The following SPAG16 variants were observed in gnomAD, a reference collection of about 807,000 sequenced individuals.
The protein encoded by SPAG16 is sperm-associated antigen 16 protein.
Under a neutral mutation model 80.4 loss-of-function variants are expected in SPAG16, and 86 were observed. That is an observed-to-expected ratio of 1.07 (90% CI 0.90 to 1.28). The LOEUF (loss-of-function observed/expected upper bound fraction) is 1.28. SPAG16 is among the 50% of genes most tolerant of loss of function. The pLI is 0.00. For synonymous variants in SPAG16, 294 were observed against 265.9 expected (o/e 1.11, Z -1.03); for missense variants, 870 against 765.3 (o/e 1.14, Z -1.61).
intron 9 of SPAG16, among the ~76,000 whole-genome samples, chr2:213,406,025 A>G (rs2068590605): frequency 6.6e-6 from 1 of 152,238 alleles, no homozygotes; most frequent in Non-Finnish European, 1.5e-5. Flanking sequence ...AAAGTAAAAT[A>G]AAATTATAGT....
intron 14 of SPAG16, among the ~76,000 whole-genome samples, chr2:214,138,560 T>A (rs1366305824): frequency 6.6e-6 from 1 of 152,174 alleles, no homozygotes; most frequent in Non-Finnish European, 1.5e-5. Flanking sequence ...CCTTTACTTC[T>A]TCAGCTCACA....
At chr2:213,517,608 A>G (rs2075482068) in intron 10 of SPAG16, among the ~76,000 whole-genome samples, 1 of 152,232 alleles carries the variant, frequency 6.6e-6, no homozygotes, top group African/African-American at 2.4e-5. Context: ...GTATAAAAAC[A>G]GACACATAGA....
At chr2:214,175,437 G>A (rs1000652501) in intron 15 of SPAG16, among the ~76,000 whole-genome samples, 1 of 150,848 alleles carries the variant, frequency 6.6e-6, no homozygotes, top group Non-Finnish European at 1.5e-5. Flanking sequence ...ATCTCAAGAT[G>A]AGATGGCTCT....
intron 15 of SPAG16, among the ~76,000 whole-genome samples, chr2:214,252,867 G>A (rs776625863): frequency 6.6e-6 from 1 of 152,042 alleles, no homozygotes; most frequent in Non-Finnish European, 1.5e-5. Flanking sequence ...TTGAGAAATC[G>A]CCACACTGTC....
At chr2:213,968,261 G>T (rs1396902649) in intron 12 of SPAG16, among the ~76,000 whole-genome samples, 1 of 151,374 alleles carries the variant, frequency 6.6e-6, no homozygotes, top group Non-Finnish European at 1.5e-5. Flanking sequence ...TGCAATCTCC[G>T]CCTCCCAAGT....
intron 9 of SPAG16, among the ~76,000 whole-genome samples, chr2:213,489,412 A>G (rs2074143484): frequency 6.6e-6 from 1 of 152,142 alleles, no homozygotes; most frequent in South Asian, 2.1e-4. Context: ...GTGGATTCTA[A>G]TATGTGTGAT....
At chr2:213,321,526 TAA>T (rs1055563733) in intron 5 of SPAG16, among the ~76,000 whole-genome samples, 61 of 152,236 alleles carry the variant, frequency 4.0e-4, no homozygotes, top group African/African-American at 1.4e-3. Flanking sequence ...CTGTCATCTC[TAA>T]GTTTTTATTA....
chr2:213,488,876 A>T (rs2074110648), intron 9 of SPAG16, among the ~76,000 whole-genome samples: 1 of 148,442 alleles, frequency 6.7e-6, no homozygotes, highest in Admixed American at 6.7e-5. Context: ...AGGGAGTTTG[A>T]GACCAGCCTG....
intron 5 of SPAG16, among the ~76,000 whole-genome samples, chr2:213,336,087 G>A (rs138221699): frequency 6.6e-6 from 1 of 152,276 alleles, no homozygotes; most frequent in African/African-American, 2.4e-5. Context: ...AGAGCTGTGT[G>A]GGCAAAGGAA....
intron 9 of SPAG16, among the ~76,000 whole-genome samples, chr2:213,379,891 G>T (rs112349504): frequency 0.024 from 3,622 of 152,264 alleles, 61 homozygotes; most frequent in African/African-American, 0.039. Context: ...TGATGACAGG[G>T]GTGGCTGGGG....
At chr2:214,346,723 T>G (rs1698077053) in intron 15 of SPAG16, among the ~76,000 whole-genome samples, 1 of 152,178 alleles carries the variant, frequency 6.6e-6, no homozygotes, top group Non-Finnish European at 1.5e-5. Flanking sequence ...ACTACAATTT[T>G]AAAGGGGCCA....
chr2:213,827,112 A>G (rs1321869938), intron 10 of SPAG16, among the ~76,000 whole-genome samples: 1 of 151,926 alleles, frequency 6.6e-6, no homozygotes, highest in African/African-American at 2.4e-5. Flanking sequence ...TAGGCAACAG[A>G]TTACTGGGTC....
At chr2:214,384,774 G>T (rs1292650873) in intron 15 of SPAG16, among the ~76,000 whole-genome samples, 1 of 152,186 alleles carries the variant, frequency 6.6e-6, no homozygotes, top group East Asian at 1.9e-4. Context: ...TATGGCTGCT[G>T]CTTCAAGTGG....
At chr2:213,361,659 A>T (rs2065984028) in intron 7 of SPAG16, among the ~76,000 whole-genome samples, 1 of 142,108 alleles carries the variant, frequency 7.0e-6, no homozygotes, top group East Asian at 1.9e-4. Context: ...CAAAAAGTAG[A>T]ACAGAAAAGA....
At chr2:214,065,030 A>G (rs1576040616) in intron 13 of SPAG16, among the ~76,000 whole-genome samples, 1 of 151,986 alleles carries the variant, frequency 6.6e-6, no homozygotes, top group Non-Finnish European at 1.5e-5. Context: ...AAGAGCTTTA[A>G]ATATTTTTTC....
chr2:213,990,836 G>T (rs1466181875), intron 12 of SPAG16, among the ~76,000 whole-genome samples: 2 of 151,986 alleles, frequency 1.3e-5, no homozygotes, highest in Non-Finnish European at 2.9e-5. Flanking sequence ...ACTGAAAAAA[G>T]TGCCCCATAT....
chr2:214,052,618 G>A (rs961740345), intron 13 of SPAG16, among the ~76,000 whole-genome samples: 2 of 152,008 alleles, frequency 1.3e-5, no homozygotes, highest in African/African-American at 4.8e-5. Context: ...TATATTATAA[G>A]AATAATAATA....
intron 10 of SPAG16, among the ~76,000 whole-genome samples, chr2:213,567,203 T>G (rs1400391259): frequency 1.3e-5 from 2 of 150,712 alleles, no homozygotes; most frequent in Non-Finnish European, 2.9e-5. Context: ...CCCTGAAATT[T>G]TATTATTAAA....
At chr2:213,755,053 C>A (rs2068259140) in intron 10 of SPAG16, among the ~76,000 whole-genome samples, 1 of 152,096 alleles carries the variant, frequency 6.6e-6, no homozygotes, top group Non-Finnish European at 1.5e-5. Flanking sequence ...GCATAGGGAT[C>A]AAATGATAAC....
Sources: allele counts gnomAD v4.1 joint callset (sites outside exome capture counted in the v4.1 genomes callset), GRCh38; gene constraint gnomAD v4.1.1; transcripts MANE v1.5; gene names NCBI Gene and HGNC (gene_info 2026-07-23, HGNC 2026-07-21).